Variants in PHACTR3 observed in about 807,000 individuals in gnomAD.
PHACTR3 encodes the protein phosphatase and actin regulator 3.
Under a neutral mutation model 66.8 loss-of-function variants are expected in PHACTR3, and 16 were observed. The ratio of observed to expected loss-of-function variants is 0.24; its 90% CI spans 0.16 to 0.36. The LOEUF (loss-of-function observed/expected upper bound fraction) is 0.36. Ranked by LOEUF, PHACTR3 falls within the 10% of genes least tolerant of loss-of-function variation. The probability of loss-of-function intolerance (pLI) is 1.00; values close to 1 mark genes in which losing one functional copy is unlikely to be tolerated. For missense variants in PHACTR3, 647 were observed against 719.9 expected, an observed-to-expected ratio of 0.90 and a Z score of 1.16; for synonymous variants, 323 against 292.1, an observed-to-expected ratio of 1.11 and a Z score of -1.08.
chr20:59,734,006 G>A (rs1305596409), intron 1 of PHACTR3, among the ~76,000 whole-genome samples: 1 of 151,574 alleles, frequency 6.6e-6, no homozygotes, highest in East Asian at 1.9e-4. Flanking sequence ...GAGATTCCAC[G>A]TGGTCTTCTC....
Position 59,829,635 on chromosome 20 carries a change from G to A in PHACTR3, c.1329-6870G>A, listed in dbSNP as rs2042292325. ...GCTGGGGAATCCCATCTCCAGGCGG[G>A]GGCCGCCAGCTTTTCTCAGTGACTC... On this transcript the variant is annotated intron_variant, in intron 8 of 12. Coordinates refer to ENST00000371015, the MANE Select transcript of PHACTR3 (RefSeq NM_080672.5). The surrounding 1 kb of genome is among the most constrained non-coding windows in gnomAD (Gnocchi z 4.2). Among the ~76,000 whole-genome samples, 1 of 152,092 alleles carries A rather than the reference G, an allele frequency of 6.6e-6. No individual in the cohort carries two copies. Among genetic ancestry groups the A allele is most frequent in the African/African-American group, 2.4e-5 (1 of 41,408 alleles).
intron 1 of PHACTR3, among the ~76,000 whole-genome samples, chr20:59,622,581 T>C (rs1015027783): frequency 6.6e-6 from 1 of 152,182 alleles, no homozygotes; most frequent in Non-Finnish European, 1.5e-5. Flanking sequence ...GAGGCTGCCG[T>C]GTGCCTGCTG....
chr20:59,774,173 C>T, intron 6 of PHACTR3, 70 bp from the exon 7 acceptor site: 12 of 1,515,102 alleles, frequency 7.9e-6, no homozygotes, highest in Non-Finnish European at 1.1e-5. Context: ...ATTATAAGCT[C>T]CAAAGTCAAT....
intron 1 of PHACTR3, among the ~76,000 whole-genome samples, chr20:59,614,687 C>G (rs6128645): frequency 1.3e-5 from 2 of 152,186 alleles, no homozygotes; most frequent in African/African-American, 4.8e-5. Flanking sequence ...AATACTCTTC[C>G]TAATGAGTTG....
chr20:59,774,475 G>T lies in PHACTR3; in HGVS notation c.1159G>T (p.Asp387Tyr). 1 of 1,613,570 alleles carries T rather than the reference G, an allele frequency of 6.2e-7. No homozygotes were observed. Among genetic ancestry groups the T allele is most frequent in the South Asian group, 1.1e-5 (1 of 91,000 alleles). ...GTATCAGGACGAGGAGGCGCTGAACGACTCCATTATTTCTGGTGAGGAAAG... is the reference window on the plus strand; with the variant it reads ...GTATCAGGACGAGGAGGCGCTGAACTACTCCATTATTTCTGGTGAGGAAAG... Reference protein sequence around the residue: ...LLYQDEEALNDSIISGTLPRK... With the variant: ...LLYQDEEALNYSIISGTLPRK... The change falls in exon 7 of 13, where the codon GAC (aspartate) becomes TAC (tyrosine). Residue 387 changes from aspartate to tyrosine, a missense_variant. Asp to Tyr is a radical substitution (Grantham distance 160). This residue lies in a region of PHACTR3 where 577 missense variants were observed against 571.1 expected (regional missense o/e 1.01). Transcript: ENST00000371015.
At chr20:59,703,407 G>A (rs1386981754) in intron 1 of PHACTR3, among the ~76,000 whole-genome samples, 1 of 152,086 alleles carries the variant, frequency 6.6e-6, no homozygotes, top group Non-Finnish European at 1.5e-5. Flanking sequence ...TTTTAACAAA[G>A]GAAATTATTT....
upstream of PHACTR3, among the ~76,000 whole-genome samples, chr20:59,601,702 G>T (rs990706064): frequency 5.3e-5 from 8 of 152,302 alleles, no homozygotes; most frequent in East Asian, 3.9e-4. Flanking sequence ...GTAGAGGTGG[G>T]ATTGCTAACT....
chr20:59,747,917 C>A, intron 3 of PHACTR3, 82 bp downstream of exon 3: 1 of 1,432,090 alleles, frequency 7.0e-7, no homozygotes, highest in East Asian at 2.3e-5. Flanking sequence ...CCAGGAAGCC[C>A]ATCAGAAACA....
chr20:59,809,765 A>G (rs904492061), intron 8 of PHACTR3, among the ~76,000 whole-genome samples: 1 of 152,092 alleles, frequency 6.6e-6, no homozygotes, highest in Non-Finnish European at 1.5e-5. Flanking sequence ...CGCCACCCCT[A>G]CTCAGTTCAG....
intron 1 of PHACTR3, among the ~76,000 whole-genome samples, chr20:59,608,990 A>C (rs1226676672): frequency 1.3e-5 from 2 of 152,220 alleles, no homozygotes; most frequent in Non-Finnish European, 2.9e-5. Context: ...ACTTTCAGTA[A>C]GCATTTGTAG....
rs139661198 is a variant in PHACTR3, at chr20:59,730,665, C to A, written c.119-12442C>A. ...ATTCTCTCCCTTTTTCTTCTTGGGG[C>A]ACCCAGTAGTATTTTTTCCCAGAAG... On this transcript the variant is annotated intron_variant, in intron 1 of 12. Transcript: ENST00000371015. 6.8e-3 allele frequency among the ~76,000 whole-genome samples: 1,029 copies of A among 152,274 alleles called. 10 individuals are homozygous for A. Among genetic ancestry groups the A allele is most frequent in the African/African-American group, 0.023 (955 of 41,572 alleles).
At chr20:59,821,924 A>T (rs2042038881) in intron 8 of PHACTR3, among the ~76,000 whole-genome samples, 1 of 149,546 alleles carries the variant, frequency 6.7e-6, no homozygotes, top group Admixed American at 6.6e-5. Context: ...AGGCGCTGAG[A>T]GTGATGTGGA....
intron 4 of PHACTR3, among the ~76,000 whole-genome samples, chr20:59,759,850 C>T (rs571859602): frequency 5.9e-5 from 9 of 152,306 alleles, no homozygotes; most frequent in Middle Eastern, 6.8e-3. Flanking sequence ...CCTCAAGTGG[C>T]AAATGTGTCA....
intron 5 of PHACTR3, among the ~76,000 whole-genome samples, chr20:59,767,626 A>C (rs2040224182): frequency 6.6e-6 from 1 of 152,050 alleles, no homozygotes; most frequent in Admixed American, 6.6e-5. Context: ...CTTACCAAGG[A>C]AACTGTGGTT....
chr20:59,747,901 A>G lies in PHACTR3; in HGVS notation c.358+66A>G, dbSNP rs2277758. On this transcript the variant is annotated intron_variant, in intron 3 of 12. Coordinates refer to ENST00000371015, the MANE Select transcript of PHACTR3 (RefSeq NM_080672.5). Reference sequence around the variant, plus strand: ...GGGAATGCAGAATGGAAAGTCTCACATGAGCCCAGGAAGCCCATCAGAAAC... The same window carrying G: ...GGGAATGCAGAATGGAAAGTCTCACGTGAGCCCAGGAAGCCCATCAGAAAC... 0.099 allele frequency: 151,764 copies of G among 1,526,980 alleles called. 13,786 individuals carry two copies. The highest frequency in any genetic ancestry group is 0.39 in the East Asian group (17,102 of 44,122). The allele number at this position is 1,526,980 out of a possible 1,614,324, so 94.6% of individuals were successfully genotyped here.
chr20:59,744,211 C>T (rs1364307236), intron 2 of PHACTR3, among the ~76,000 whole-genome samples: 1 of 152,236 alleles, frequency 6.6e-6, no homozygotes, highest in Non-Finnish European at 1.5e-5. Flanking sequence ...GGGGAACAGG[C>T]CCAGAAAGGG....
At chr20:59,811,721 C>T (rs556633926) in intron 8 of PHACTR3, among the ~76,000 whole-genome samples, 1 of 151,688 alleles carries the variant, frequency 6.6e-6, no homozygotes, top group South Asian at 2.1e-4. Flanking sequence ...TGGACATCCT[C>T]AGGGGGAACA....
intron 7 of PHACTR3, among the ~76,000 whole-genome samples, chr20:59,786,711 T>A (rs570509614): frequency 1.3e-5 from 2 of 151,980 alleles, no homozygotes; most frequent in South Asian, 4.1e-4. Flanking sequence ...CACAGAGCAC[T>A]CTCTGTGCAG....
intron 2 of PHACTR3, among the ~76,000 whole-genome samples, chr20:59,743,752 A>C (rs989112164): frequency 2.0e-5 from 3 of 152,216 alleles, no homozygotes; most frequent in Non-Finnish European, 4.4e-5. Flanking sequence ...TAGTTGGCCA[A>C]GAGCCTCCTG....
Sources: allele counts gnomAD v4.1 joint callset (sites outside exome capture counted in the v4.1 genomes callset), GRCh38; gene constraint gnomAD v4.1.1; regional missense constraint gnomAD v4.1.1; non-coding constraint Gnocchi (gnomAD v3.1); transcripts MANE v1.5; gene names NCBI Gene and HGNC (gene_info 2026-07-23, HGNC 2026-07-21).